BACE1: variants seen among roughly 807,000 people sequenced by gnomAD.
BACE1 encodes the protein beta-secretase 1, also known as APP beta-secretase.
In BACE1, 21 loss-of-function variants were observed where a neutral mutation model predicts 54.0. The observed-to-expected ratio is 0.39, with a 90% CI of 0.28 to 0.56. BACE1 has a LOEUF of 0.56. Among genes scored for constraint, BACE1 ranks in the 20% least tolerant of loss-of-function variants. The pLI is 0.63. For missense variants in BACE1, 511 were observed against 661.2 expected (o/e 0.77, Z 2.49); for synonymous variants, 232 against 260.9 (o/e 0.89, Z 1.07).
Position 117,289,214 on chromosome 11 carries a change from C to T in BACE1, c.*352G>A, listed in dbSNP as rs1301268373. On this transcript the variant is annotated 3_prime_UTR_variant, in exon 9 of 9. Coordinates refer to ENST00000313005, the MANE Select transcript of BACE1 (RefSeq NM_012104.6). ...TAACCTGCGTGTGATGCCAGTACTTCTGAAACTAAGAAAAGAAGAATACTT... is the reference window on the plus strand; with the variant it reads ...TAACCTGCGTGTGATGCCAGTACTTTTGAAACTAAGAAAAGAAGAATACTT... 1.6e-5 allele frequency: 4 copies of T among 255,166 alleles called. No homozygotes were observed. The East Asian group carries it at 3.2e-4, about 20-fold the overall frequency. The allele number at this position is 255,166 out of a possible 1,614,324, so 15.8% of individuals were successfully genotyped here. A position where few individuals can be genotyped will look rare whatever the true frequency, so the allele number is the denominator to read the frequency against.
Position 117,315,915 on chromosome 11 carries a change from G to T in BACE1, c.-120C>A, listed in dbSNP as rs2035105936. ...AGGAGAGGGAGCTTGGGGGCATCAG[G>T]ACGCCAGGGCCTGCAGGGCCCTGGG... On this transcript the variant is annotated 5_prime_UTR_variant, in exon 1 of 9. Coordinates refer to ENST00000313005, the MANE Select transcript of BACE1 (RefSeq NM_012104.6). This position sits in a 1 kb window ranked among gnomAD's most constrained non-coding sequence, Gnocchi z 5.5. 3.3e-6 allele frequency: 4 copies of T among 1,194,284 alleles called. No individual in the cohort carries two copies. The highest frequency in any genetic ancestry group is 4.4e-6 in the Non-Finnish European group (4 of 915,514). The allele number at this position is 1,194,284 out of a possible 1,614,324, so 74.0% of individuals were successfully genotyped here. A position where few individuals can be genotyped will look rare whatever the true frequency, so the allele number is the denominator to read the frequency against.
At position 117,287,233 on chromosome 11, in the gene BACE1, A is replaced by G. The variant is rs974310915; in HGVS notation, c.*2333T>C. On this transcript the variant is annotated 3_prime_UTR_variant, in exon 9 of 9. Transcript: ENST00000313005. The stretch of plus-strand genomic sequence containing the variant: ...GCCTCAGTGTTACTCTTTCTTGTTC[A>G]GGATCAGTCAGAAAGCAACACAAGT... 1 of 152,330 alleles carries G rather than the reference A, an allele frequency of 6.6e-6. No individual in the cohort carries two copies. Among genetic ancestry groups the G allele is most frequent in the African/African-American group, 2.4e-5 (1 of 41,418 alleles). The allele number at this position is 152,330 out of a possible 1,614,324, so 9.4% of individuals were successfully genotyped here. A position where few individuals can be genotyped will look rare whatever the true frequency, so the allele number is the denominator to read the frequency against.
rs752131557 is a variant in BACE1 at position 117,290,441 on chromosome 11, A to G, written c.1264+47T>C. ...GTATACTAACTGTTGTTTGACAAGG[A>G]AAATATGGAGAGACTGACCCCAAAC... is the stretch of plus-strand genomic sequence containing the variant. On this transcript the variant is annotated intron_variant, in intron 8 of 8. Coordinates refer to ENST00000313005, the MANE Select transcript of BACE1 (RefSeq NM_012104.6). 2.3e-5 allele frequency: 36 copies of G among 1,593,342 alleles called. No homozygotes were observed. The African/African-American group carries it at 3.6e-4, about 16-fold the overall frequency.
At chr11:117,290,345 G>T in intron 8 of BACE1, 143 bp downstream of exon 8, 1 of 1,040,740 alleles carries the variant, frequency 9.6e-7, no homozygotes, top group East Asian at 2.6e-5. Flanking sequence ...ATTGACACTA[G>T]CTTTTGCACA....
At chr11:117,291,531 C>A (rs1331744505) in intron 6 of BACE1, among the ~76,000 whole-genome samples, 181 bp downstream of exon 6, 1 of 152,194 alleles carries the variant, frequency 6.6e-6, no homozygotes, top group Non-Finnish European at 1.5e-5. Context: ...CCACCTTGGC[C>A]TCCCAAAGTG....
intron 3 of BACE1, 91 bp from the exon 4 acceptor site, chr11:117,294,099 CT>C: frequency 6.9e-7 from 1 of 1,449,632 alleles, no homozygotes. Flanking sequence ...AATTTGAAGG[CT>C]TGGGGGATGC....
rs1484873882 is a variant in BACE1, at chr11:117,290,888, G to A, written c.1092+12C>T. 3 of 1,613,066 alleles carry A rather than the reference G, an allele frequency of 1.9e-6. No individual in the cohort carries two copies. Among genetic ancestry groups the A allele is most frequent in the African/African-American group, 2.7e-5 (2 of 74,916 alleles). ...TTTAAGAGAGATCCCCCTGACTCAG[G>A]CTGGGACATACCTGCGGAAGGATGG... On this transcript the variant is annotated intron_variant, in intron 7 of 8. Transcript: ENST00000313005.
chr11:117,300,831 T>C (rs2134472220), intron 1 of BACE1, among the ~76,000 whole-genome samples: 1 of 152,224 alleles, frequency 6.6e-6, no homozygotes, highest in South Asian at 2.1e-4. Flanking sequence ...ATCTGAATTC[T>C]TCCTGTTGAC....
chr11:117,299,114 C>T (rs2034665538), intron 1 of BACE1, among the ~76,000 whole-genome samples: 2 of 152,166 alleles, frequency 1.3e-5, no homozygotes, highest in Admixed American at 6.5e-5. Context: ...CATCACTTCT[C>T]CTTGGCCCTT....
chr11:117,315,903 T>TG lies in BACE1; in HGVS notation c.-109dup. The TG allele has an allele frequency of 1.6e-6, 2 of 1,281,396 alleles. No homozygotes were observed. The highest frequency in any genetic ancestry group is 2.0e-6 in the Non-Finnish European group (2 of 994,850). The allele number at this position is 1,281,396 out of a possible 1,614,324, so 79.4% of individuals were successfully genotyped here. ...TGGTGGCTTCTCAGGAGAGGGAGCT[T>TG]GGGGGCATCAGGACGCCAGGGCCTG... is the stretch of plus-strand genomic sequence containing the variant. On this transcript the variant is annotated 5_prime_UTR_variant, in exon 1 of 9. An upstream open reading frame in the 5' UTR loses its in-frame stop. Coordinates refer to ENST00000313005, the MANE Select transcript of BACE1 (RefSeq NM_012104.6). The surrounding 1 kb of genome is among the most constrained non-coding windows in gnomAD (Gnocchi z 5.5).
In BACE1 at chr11:117,289,431, G is replaced by T. The variant is rs1319574773; in HGVS notation, c.*135C>A. The T allele has an allele frequency of 7.1e-7, 1 of 1,411,586 alleles. No homozygotes were observed. Among genetic ancestry groups the T allele is most frequent in the Non-Finnish European group, 9.4e-7 (1 of 1,063,142 alleles). 87.4% of individuals were successfully genotyped at this position (1,411,586 alleles called of 1,614,324 possible). On this transcript the variant is annotated 3_prime_UTR_variant, in exon 9 of 9. Coordinates refer to ENST00000313005, the MANE Select transcript of BACE1 (RefSeq NM_012104.6). ...GCCAGCCTTTTCCTTCTCCATCAAG[G>T]CAGAGGCATTTGGTGGGTGGGGAGG...
chr11:117,299,296 G>T (rs1044605589), intron 1 of BACE1, among the ~76,000 whole-genome samples: 2 of 152,112 alleles, frequency 1.3e-5, no homozygotes, highest in Non-Finnish European at 2.9e-5. Context: ...GTTCTCCTCT[G>T]CCCCAGGGGC....
At chr11:117,294,267 A>C (rs1303269868) in intron 3 of BACE1, 2 of 262,126 alleles carry the variant, frequency 7.6e-6, no homozygotes, top group Non-Finnish European at 7.2e-6. Context: ...CCCAAGCTGG[A>C]GTGCAATGTT....
Position 117,289,332 on chromosome 11 carries a change from A to G in BACE1, c.*234T>C, listed in dbSNP as rs920951507. 3 of 570,122 alleles carry G rather than the reference A, an allele frequency of 5.3e-6. No homozygotes were observed. The African/African-American group carries it at 5.6e-5, about 11-fold the overall frequency. The allele number at this position is 570,122 out of a possible 1,614,324, so 35.3% of individuals were successfully genotyped here. On this transcript the variant is annotated 3_prime_UTR_variant, in exon 9 of 9. Transcript: ENST00000313005. ...CCGACTTAAATTTGAGGTGACCAAGAGTATTCCCGCCAGCAGAGTGCTTCT... is the reference window on the plus strand; with the variant it reads ...CCGACTTAAATTTGAGGTGACCAAGGGTATTCCCGCCAGCAGAGTGCTTCT...
chr11:117,314,079 G>C (rs1283544951), intron 1 of BACE1, among the ~76,000 whole-genome samples: 4 of 152,184 alleles, frequency 2.6e-5, no homozygotes, highest in Non-Finnish European at 5.9e-5. Flanking sequence ...AGCTTGTGTG[G>C]GTTCTGCAGC....
chr11:117,291,753 C>CT lies in BACE1; in HGVS notation c.900dup (p.Val301SerfsTer3). On this transcript the variant is annotated frameshift_variant, in exon 6 of 9. Transcript: ENST00000313005. LOFTEE classifies it high-confidence loss of function. ...ATGGATTTGACTGCAGCTTCAAACA[C>CT]TTTCTTGGGCAAACGAAGGTTGGTG... is the stretch of plus-strand genomic sequence containing the variant. 6.2e-7 allele frequency: 1 copy of CT among 1,613,686 alleles called. No individual in the cohort carries two copies.
intron 1 of BACE1, among the ~76,000 whole-genome samples, chr11:117,313,914 C>T (rs576198572): frequency 6.6e-6 from 1 of 152,284 alleles, no homozygotes; most frequent in African/African-American, 2.4e-5. Context: ...ACTTAATCCT[C>T]ACAATTACCT....
chr11:117,299,626 C>G (rs1379982660), intron 1 of BACE1: 2 of 382,024 alleles, frequency 5.2e-6, no homozygotes, highest in African/African-American at 4.4e-5. Flanking sequence ...TTCCATTCCC[C>G]TCCCTGCCCC....
rs964355275 is a variant in BACE1 at position 117,294,994 on chromosome 11, C to T, written c.567+137G>A. On this transcript the variant is annotated intron_variant, in intron 3 of 8. Coordinates refer to ENST00000313005, the MANE Select transcript of BACE1 (RefSeq NM_012104.6). Reference sequence around the variant, plus strand: ...TCTATAGGGCTAAAATTTAGACTGCCACCCTATACCCCTGTTAAATAATCC... The same window carrying T: ...TCTATAGGGCTAAAATTTAGACTGCTACCCTATACCCCTGTTAAATAATCC... 21 of 885,698 alleles carry T rather than the reference C, an allele frequency of 2.4e-5. No homozygotes were observed. The African/African-American group carries it at 2.8e-4, about 12-fold the overall frequency. The allele number at this position is 885,698 out of a possible 1,614,324, so 54.9% of individuals were successfully genotyped here.
Sources: gnomAD v4.1 joint callset for allele counts (sites outside exome capture counted in the v4.1 genomes callset) on GRCh38, gnomAD v4.1.1 for gene constraint, Gnocchi (gnomAD v3.1) non-coding constraint, MANE v1.5 for transcripts, NCBI Gene and HGNC (gene_info 2026-07-23, HGNC 2026-07-21) for gene names.